The following CD14 variants were observed in gnomAD, a reference collection of about 807,000 sequenced individuals.
CD14 encodes the protein monocyte differentiation antigen CD14.
CD14 carries 4 observed loss-of-function variants against 2.5 expected under a neutral mutation model. That is an observed-to-expected ratio of 1.63 (90% CI 0.80 to 3.72). The LOEUF (loss-of-function observed/expected upper bound fraction) is 3.72. CD14 is among the 30% of genes most tolerant of loss of function. The probability of loss-of-function intolerance (pLI) is 0.01; values close to 1 mark genes in which losing one functional copy is unlikely to be tolerated. For synonymous variants in CD14, 236 were observed against 235.1 expected (o/e 1.00, Z -0.04); for missense variants, 478 against 497.8 (o/e 0.96, Z 0.38).
rs747248239 is a variant in CD14 at position 140,632,745 on chromosome 5, C to A, written c.239G>T (p.Arg80Leu). ...LKRVDADADP[R>L]QYADTVKALR... ...AGCCTTGACCGTGTCAGCATACTGC[C>A]GCGGGTCGGCGTCCGCATCGACGCG... The change falls in exon 2 of 2, where the codon CGG becomes CTG. Residue 80 changes from arginine to leucine, a missense_variant. Physicochemically the swap from Arg to Leu is moderately radical, Grantham distance 102. Transcript: ENST00000302014. This position sits in a 1 kb window ranked among gnomAD's most constrained non-coding sequence, Gnocchi z 6.2. The A allele has an allele frequency of 6.2e-7, 1 of 1,613,374 alleles. No individual in the cohort carries two copies. Among genetic ancestry groups the A allele is most frequent in the Non-Finnish European group, 8.5e-7 (1 of 1,179,984 alleles).
At position 140,632,101 on chromosome 5, in the gene CD14, G is replaced by T. The variant is rs997910634; in HGVS notation, c.883C>A (p.Leu295Met). 9.9e-6 allele frequency: 16 copies of T among 1,614,244 alleles called. No individual in the cohort carries two copies. Among genetic ancestry groups the T allele is most frequent in the Non-Finnish European group, 1.4e-5 (16 of 1,180,048 alleles). The stretch of plus-strand genomic sequence containing the variant: ...TCGAGCACTCTGAGCTTGGCTGGCA[G>T]TCCTTTAGGCACCTGTTCCAGCCCA... ...FAGLEQVPKGLPAKLRVLDLS... is the reference protein window; with the variant it reads ...FAGLEQVPKGMPAKLRVLDLS... Residue 295 changes from leucine to methionine, a missense_variant, in exon 2 of 2, where the codon CTG (leucine) becomes ATG (methionine). Leu to Met is a conservative substitution (Grantham distance 15, BLOSUM62 2). Transcript: ENST00000302014. This position sits in a 1 kb window ranked among gnomAD's most constrained non-coding sequence, Gnocchi z 6.2.
rs1488729252 is a variant in CD14 at position 140,632,090 on chromosome 5, C to T, written c.894G>A (p.Lys298=). 1.9e-6 allele frequency: 3 copies of T among 1,614,092 alleles called. No individual in the cohort carries two copies. The highest frequency in any genetic ancestry group is 1.7e-5 in the Admixed American group (1 of 60,014). The change falls in exon 2 of 2, where the codon AAG becomes AAA. Residue 298 remains lysine, a synonymous_variant. Coordinates refer to ENST00000302014, the MANE Select transcript of CD14 (RefSeq NM_000591.4). This position sits in a 1 kb window ranked among gnomAD's most constrained non-coding sequence, Gnocchi z 6.2. ...TGCAGCTGAGATCGAGCACTCTGAGCTTGGCTGGCAGTCCTTTAGGCACCT... is the reference window on the plus strand; with the variant it reads ...TGCAGCTGAGATCGAGCACTCTGAGTTTGGCTGGCAGTCCTTTAGGCACCT... The part of the protein sequence containing the change: ...LEQVPKGLPA[K]LRVLDLSCNR...
rs750343901 is a variant in CD14 at position 140,632,893 on chromosome 5, C to T, written c.91G>A (p.Asp31Asn). The change falls in exon 2 of 2, where the codon GAT becomes AAT. Residue 31 changes from aspartate (D) to asparagine (N), a missense_variant. Coordinates refer to ENST00000302014, the MANE Select transcript of CD14 (RefSeq NM_000591.4). This position sits in a 1 kb window ranked among gnomAD's most constrained non-coding sequence, Gnocchi z 6.2. ...GAGAAGTTGCAGACGCAGCGGAAATCTTCATCGTCCAGCTCACAAGGTTCT... is the reference window on the plus strand; with the variant it reads ...GAGAAGTTGCAGACGCAGCGGAAATTTTCATCGTCCAGCTCACAAGGTTCT... Reference protein sequence around the residue: ...TPEPCELDDEDFRCVCNFSEP... With the variant: ...TPEPCELDDENFRCVCNFSEP... The T allele has an allele frequency of 4.3e-6, 7 of 1,614,196 alleles. No homozygotes were observed. The South Asian group carries it at 7.7e-5, about 18-fold the overall frequency.
chr5:140,633,023 G>A (rs200710165), intron 1 of CD14, 43 bp from the exon 2 acceptor site: 1 of 1,614,092 alleles, frequency 6.2e-7, no homozygotes, highest in African/African-American at 1.3e-5. Flanking sequence ...TCCAACCCCT[G>A]TGGCTCCCGA....
chr5:140,632,045 C>T lies in CD14; in HGVS notation c.939G>A (p.Pro313=), dbSNP rs1436933392. Residue 313 remains proline (P), a synonymous_variant, in exon 2 of 2, where the codon CCG becomes CCA. Coordinates refer to ENST00000302014, the MANE Select transcript of CD14 (RefSeq NM_000591.4). The surrounding 1 kb of genome is among the most constrained non-coding windows in gnomAD (Gnocchi z 6.2). ...DLSCNRLNRA[P]QPDELPEVDN... The stretch of plus-strand genomic sequence containing the variant: ...CCACCTCGGGCAGCTCGTCAGGCTG[C>T]GGCGCCCTGTTCAGTCTGTTGCAGC... 13 of 1,614,208 alleles carry T rather than the reference C, an allele frequency of 8.1e-6. No homozygotes were observed. Among genetic ancestry groups the T allele is most frequent in the Non-Finnish European group, 1.1e-5 (13 of 1,180,036 alleles).
rs145038771 is a variant in CD14 at position 140,632,558 on chromosome 5, A to C, written c.426T>G (p.Leu142=). The change falls in exon 2 of 2, where the codon CTT becomes CTG. Residue 142 remains leucine, a synonymous_variant. Coordinates refer to ENST00000302014, the MANE Select transcript of CD14 (RefSeq NM_000591.4). This position sits in a 1 kb window ranked among gnomAD's most constrained non-coding sequence, Gnocchi z 6.2. ...MPPLPLEATG[L]ALSSLRLRNV... ...TGCGTAGGCGCAAGCTGGAAAGTGC[A>C]AGTCCTGTGGCTTCCAGAGGCAGCG... is the stretch of plus-strand genomic sequence containing the variant. 3.3e-5 allele frequency: 54 copies of C among 1,614,124 alleles called. No homozygotes were observed. The highest frequency in any genetic ancestry group is 1.6e-4 in the African/African-American group (12 of 75,068).
In CD14 at chr5:140,632,679, G is replaced by A; in HGVS notation, c.305C>T (p.Pro102Leu). The A allele has an allele frequency of 1.2e-6, 2 of 1,613,856 alleles. No homozygotes were observed. The highest frequency in any genetic ancestry group is 1.7e-6 in the Non-Finnish European group (2 of 1,180,030). Residue 102 changes from proline to leucine, a missense_variant, in exon 2 of 2, where the codon CCT (proline) becomes CTT (leucine). Pro to Leu is a moderately conservative substitution (Grantham distance 98). Transcript: ENST00000302014. The surrounding 1 kb of genome is among the most constrained non-coding windows in gnomAD (Gnocchi z 6.2). ...CAGGGCGCCTACCAGTAGCTGAGCA[G>A]GAACCTGTGCGGCTCCCACTGTGAG... ...RRLTVGAAQV[P>L]AQLLVGALRV...
At position 140,632,554 on chromosome 5, in the gene CD14, G is replaced by T; in HGVS notation, c.430C>A (p.Leu144Ile). ...PLPLEATGLALSSLRLRNVSW... is the reference protein window; with the variant it reads ...PLPLEATGLAISSLRLRNVSW... ...ACGTTGCGTAGGCGCAAGCTGGAAA[G>T]TGCAAGTCCTGTGGCTTCCAGAGGC... Residue 144 changes from leucine (L) to isoleucine (I), a missense_variant, in exon 2 of 2, where the codon CTT becomes ATT. By Grantham distance (5) the Leu-to-Ile change is conservative. Transcript: ENST00000302014. This position sits in a 1 kb window ranked among gnomAD's most constrained non-coding sequence, Gnocchi z 6.2. The T allele has an allele frequency of 6.2e-7, 1 of 1,614,162 alleles. No homozygotes were observed. The highest frequency in any genetic ancestry group is 1.7e-5 in the Admixed American group (1 of 60,030).
In CD14 at chr5:140,632,116, G is replaced by C. The variant is rs756169662; in HGVS notation, c.868C>G (p.Gln290Glu). 2 of 1,614,210 alleles carry C rather than the reference G, an allele frequency of 1.2e-6. No homozygotes were observed. Among genetic ancestry groups the C allele is most frequent in the South Asian group, 2.2e-5 (2 of 91,080 alleles). Reference sequence around the variant, plus strand: ...TTGGCTGGCAGTCCTTTAGGCACCTGTTCCAGCCCAGCGAACGACAGATTG... The same window carrying C: ...TTGGCTGGCAGTCCTTTAGGCACCTCTTCCAGCCCAGCGAACGACAGATTG... Reference protein sequence around the residue: ...SLNLSFAGLEQVPKGLPAKLR... With the variant: ...SLNLSFAGLEEVPKGLPAKLR... The change falls in exon 2 of 2, where the codon CAG becomes GAG. Residue 290 changes from glutamine (Q) to glutamate (E), a missense_variant. Gln to Glu is a conservative substitution (Grantham distance 29, BLOSUM62 2). Transcript: ENST00000302014. The surrounding 1 kb of genome is among the most constrained non-coding windows in gnomAD (Gnocchi z 6.2).
At position 140,632,903 on chromosome 5, in the gene CD14, C is replaced by T. The variant is rs780081235; in HGVS notation, c.81G>A (p.Leu27=). 3.7e-6 allele frequency: 6 copies of T among 1,614,208 alleles called. No homozygotes were observed. The highest frequency in any genetic ancestry group is 5.1e-6 in the Non-Finnish European group (6 of 1,180,038). Residue 27 remains leucine (L), a synonymous_variant, in exon 2 of 2, where the codon CTG becomes CTA. Transcript: ENST00000302014. This position sits in a 1 kb window ranked among gnomAD's most constrained non-coding sequence, Gnocchi z 6.2. The part of the protein sequence containing the change: ...VSATTPEPCE[L]DDEDFRCVCN... ...AGACGCAGCGGAAATCTTCATCGTC[C>T]AGCTCACAAGGTTCTGGCGTGGTCG...
In CD14 at chr5:140,632,039, A is replaced by G. The variant is rs760131264; in HGVS notation, c.945T>C (p.Pro315=). 1 of 1,614,218 alleles carries G rather than the reference A, an allele frequency of 6.2e-7. No individual in the cohort carries two copies. The highest frequency in any genetic ancestry group is 8.5e-7 in the Non-Finnish European group (1 of 1,180,016). Residue 315 remains proline (P), a synonymous_variant, in exon 2 of 2, where the codon CCT becomes CCC. Coordinates refer to ENST00000302014, the MANE Select transcript of CD14 (RefSeq NM_000591.4). The surrounding 1 kb of genome is among the most constrained non-coding windows in gnomAD (Gnocchi z 6.2). ...SCNRLNRAPQ[P]DELPEVDNLT... ...GGTTATCCACCTCGGGCAGCTCGTC[A>G]GGCTGCGGCGCCCTGTTCAGTCTGT...
Position 140,631,991 on chromosome 5 carries a change from G to A in CD14, c.993C>T (p.Phe331=), listed in dbSNP as rs1756591366. The change falls in exon 2 of 2, where the codon TTC becomes TTT. Residue 331 remains phenylalanine (F), a synonymous_variant. Coordinates refer to ENST00000302014, the MANE Select transcript of CD14 (RefSeq NM_000591.4). Reference sequence around the variant, plus strand: ...GGGGGAGGGCAGTTCCAGGGACCAGGAAGGGATTCCCGTCCAGTGTCAGGT... The same window carrying A: ...GGGGGAGGGCAGTTCCAGGGACCAGAAAGGGATTCCCGTCCAGTGTCAGGT... ...VDNLTLDGNP[F]LVPGTALPHE... is the part of the protein sequence containing the mutation. 6.2e-7 allele frequency: 1 copy of A among 1,614,062 alleles called. No individual in the cohort carries two copies. Among genetic ancestry groups the A allele is most frequent in the Non-Finnish European group, 8.5e-7 (1 of 1,179,922 alleles).
rs781195371 is a variant in CD14 at position 140,632,540 on chromosome 5, G to A, written c.444C>T (p.Arg148=). 5 of 1,614,184 alleles carry A rather than the reference G, an allele frequency of 3.1e-6. No individual in the cohort carries two copies. Among genetic ancestry groups the A allele is most frequent in the East Asian group, 2.2e-5 (1 of 44,888 alleles). ...CTGTCGCCCACGACACGTTGCGTAG[G>A]CGCAAGCTGGAAAGTGCAAGTCCTG... is the stretch of plus-strand genomic sequence containing the variant. The part of the protein sequence containing the change: ...EATGLALSSL[R]LRNVSWATGR... The change falls in exon 2 of 2, where the codon CGC becomes CGT. Residue 148 remains arginine (R), a synonymous_variant. Transcript: ENST00000302014. This position sits in a 1 kb window ranked among gnomAD's most constrained non-coding sequence, Gnocchi z 6.2.
rs368808088 is a variant in CD14, at chr5:140,632,389, G to A, written c.595C>T (p.Leu199=). The A allele has an allele frequency of 5.1e-5, 82 of 1,614,082 alleles. 1 individual carries two copies. Among genetic ancestry groups the A allele is most frequent in the Non-Finnish European group, 5.2e-5 (61 of 1,180,054 alleles). Residue 199 remains leucine (L), a synonymous_variant, in exon 2 of 2, where the codon CTA becomes TTA. Coordinates refer to ENST00000302014, the MANE Select transcript of CD14 (RefSeq NM_000591.4). The surrounding 1 kb of genome is among the most constrained non-coding windows in gnomAD (Gnocchi z 6.2). The part of the protein sequence containing the change: ...QVRAFPALTS[L]DLSDNPGLGE... The stretch of plus-strand genomic sequence containing the variant: ...AGTCCAGGATTGTCAGACAGGTCTA[G>A]GCTGGTAAGGGCCGGGAAGGCGCGA...
rs576515010 is a variant in CD14, at chr5:140,632,595, C to T, written c.389G>A (p.Gly130Asp). The T allele has an allele frequency of 6.2e-7, 1 of 1,613,952 alleles. No homozygotes were observed. Among genetic ancestry groups the T allele is most frequent in the Non-Finnish European group, 8.5e-7 (1 of 1,180,038 alleles). ...TTCCAGAGGCAGCGGAGGCATGGTG[C>T]CGGTTATCTTTAGGTCCTCGAGCGT... ...ELTLEDLKIT[G>D]TMPPLPLEAT... Residue 130 changes from glycine to aspartate, a missense_variant, in exon 2 of 2, where the codon GGC (glycine) becomes GAC (aspartate). Physicochemically the swap from Gly to Asp is moderately conservative, Grantham distance 94. Coordinates refer to ENST00000302014, the MANE Select transcript of CD14 (RefSeq NM_000591.4). This position sits in a 1 kb window ranked among gnomAD's most constrained non-coding sequence, Gnocchi z 6.2.
rs1387350636 is a variant in CD14, at chr5:140,632,797, C to T, written c.187G>A (p.Gly63Ser). Reference sequence around the variant, plus strand: ...TTTAGAAACGGCTCTAGGTTGAGACCGCCGGCATGGATCTCCACCTCTACT... The same window carrying T: ...TTTAGAAACGGCTCTAGGTTGAGACTGCCGGCATGGATCTCCACCTCTACT... ...SAVEVEIHAGGLNLEPFLKRV... is the reference protein window; with the variant it reads ...SAVEVEIHAGSLNLEPFLKRV... Residue 63 changes from glycine to serine, a missense_variant, in exon 2 of 2, where the codon GGT becomes AGT. Gly to Ser is a moderately conservative substitution (Grantham distance 56). Coordinates refer to ENST00000302014, the MANE Select transcript of CD14 (RefSeq NM_000591.4). The surrounding 1 kb of genome is among the most constrained non-coding windows in gnomAD (Gnocchi z 6.2). 1.7e-5 allele frequency: 28 copies of T among 1,613,600 alleles called. No homozygotes were observed. The highest frequency in any genetic ancestry group is 1.3e-4 in the Admixed American group (8 of 60,010).
At position 140,631,959 on chromosome 5, in the gene CD14, C is replaced by T. The variant is rs375420920; in HGVS notation, c.1025G>A (p.Gly342Asp). 69 of 1,613,280 alleles carry T rather than the reference C, an allele frequency of 4.3e-5. No individual in the cohort carries two copies. In the Middle Eastern group the frequency reaches 8.2e-4, roughly 19 times the overall value. The change falls in exon 2 of 2, where the codon GGC becomes GAC. Residue 342 changes from glycine (G) to aspartate (D), a missense_variant. Gly to Asp is a moderately conservative substitution (Grantham distance 94). Coordinates refer to ENST00000302014, the MANE Select transcript of CD14 (RefSeq NM_000591.4). ...LVPGTALPHE[G>D]SMNSGVVPAC... ...TGGGACCACGCCGGAGTTCATTGAG[C>T]CCTCGTGGGGGAGGGCAGTTCCAGG...
rs548438980 is a variant in CD14, at chr5:140,632,936, G to A, written c.48C>T (p.His16=). The change falls in exon 2 of 2, where the codon CAC becomes CAT. Residue 16 remains histidine (H), a synonymous_variant. Transcript: ENST00000302014. The surrounding 1 kb of genome is among the most constrained non-coding windows in gnomAD (Gnocchi z 6.2). ...AAGGTTCTGGCGTGGTCGCAGAGACGTGCACCAGCGGCAGCAGCAGCAGCA... is the reference window on the plus strand; with the variant it reads ...AAGGTTCTGGCGTGGTCGCAGAGACATGCACCAGCGGCAGCAGCAGCAGCA... ...CLLLLLLPLV[H]VSATTPEPCE... is the part of the protein sequence containing the mutation. The A allele has an allele frequency of 2.5e-6, 4 of 1,614,134 alleles. No homozygotes were observed. The East Asian group carries it at 6.7e-5, about 27-fold the overall frequency.
At position 140,631,944 on chromosome 5, in the gene CD14, C is replaced by G; in HGVS notation, c.1040G>C (p.Gly347Ala). 1 of 1,612,994 alleles carries G rather than the reference C, an allele frequency of 6.2e-7. No individual in the cohort carries two copies. The highest frequency in any genetic ancestry group is 8.5e-7 in the Non-Finnish European group (1 of 1,179,148). The change falls in exon 2 of 2, where the codon GGC (glycine) becomes GCC (alanine). Residue 347 changes from glycine (G) to alanine (A), a missense_variant. Transcript: ENST00000302014. ...CGAACGTGCACAGGCTGGGACCACG[C>G]CGGAGTTCATTGAGCCCTCGTGGGG... ...ALPHEGSMNS[G>A]VVPACARSTL...
Sources: gnomAD v4.1 joint callset for allele counts on GRCh38, gnomAD v4.1.1 for gene constraint, Gnocchi (gnomAD v3.1) non-coding constraint, MANE v1.5 for transcripts, NCBI Gene and HGNC (gene_info 2026-07-23, HGNC 2026-07-21) for gene names.